Variants in KHDRBS2 observed in about 807,000 individuals in gnomAD.
The protein encoded by KHDRBS2 is KH RNA binding domain containing, signal transduction associated 2.
A neutral mutation model predicts 44.3 loss-of-function variants in KHDRBS2; 26 were observed. The observed-to-expected ratio is 0.59, with a 90% CI of 0.43 to 0.81. The LOEUF is 0.81. Ranked by LOEUF, KHDRBS2 falls within the 40% of genes least tolerant of loss-of-function variation. KHDRBS2 has a pLI of 0.00. For missense variants in KHDRBS2, 476 were observed against 433.1 expected (o/e 1.10, Z -0.88); for synonymous variants, 194 against 151.1 (o/e 1.28, Z -2.08).
intron 3 of KHDRBS2, among the ~76,000 whole-genome samples, chr6:62,041,740 G>T (rs1178050118): frequency 6.6e-6 from 1 of 152,010 alleles, no homozygotes; most frequent in Non-Finnish European, 1.5e-5. Context: ...AAAGGAATTT[G>T]TCTAGATGCG....
chr6:62,209,927 C>A (rs979228216), intron 1 of KHDRBS2, among the ~76,000 whole-genome samples: 1 of 152,164 alleles, frequency 6.6e-6, no homozygotes, highest in Non-Finnish European at 1.5e-5. Context: ...GCACTATTGG[C>A]TTCCCTACTT....
chr6:61,833,621 T>C (rs1410567192), intron 6 of KHDRBS2, among the ~76,000 whole-genome samples: 1 of 151,030 alleles, frequency 6.6e-6, no homozygotes, highest in Admixed American at 6.6e-5. Context: ...CATATAGTTC[T>C]CCATCATTCA....
chr6:61,640,744 C>G, the KHDRBS2 span, among the ~76,000 whole-genome samples: 5 of 152,212 alleles, frequency 3.3e-5, no homozygotes, highest in South Asian at 1.0e-3. Flanking sequence ...CATTCATCCT[C>G]AATGTCACAG....
At chr6:62,160,792 T>C (rs1253354590) in intron 2 of KHDRBS2, among the ~76,000 whole-genome samples, 1 of 152,134 alleles carries the variant, frequency 6.6e-6, no homozygotes, top group Non-Finnish European at 1.5e-5. Context: ...GAGTTCTTTG[T>C]TCCAATTTTT....
intron 6 of KHDRBS2, among the ~76,000 whole-genome samples, chr6:61,868,391 C>A (rs1252534718): frequency 1.3e-5 from 2 of 152,096 alleles, no homozygotes; most frequent in Admixed American, 1.3e-4. Context: ...CCTAGAGTAC[C>A]AGCGACGGTG....
chr6:61,639,671 T>C, the KHDRBS2 span, among the ~76,000 whole-genome samples: 4 of 152,070 alleles, frequency 2.6e-5, no homozygotes, highest in African/African-American at 4.8e-5. Context: ...GGTAAAGTCT[T>C]GGGGGTAGGG....
chr6:61,802,521 G>C (rs1786444209), intron 6 of KHDRBS2, among the ~76,000 whole-genome samples: 1 of 152,142 alleles, frequency 6.6e-6, no homozygotes, highest in Admixed American at 6.6e-5. Context: ...TACTTTTGAT[G>C]TTAGAACTAA....
chr6:62,149,763 A>ATTGT (rs891877022), intron 2 of KHDRBS2, among the ~76,000 whole-genome samples: 1 of 152,182 alleles, frequency 6.6e-6, no homozygotes, highest in Non-Finnish European at 1.5e-5. Flanking sequence ...AGAAGGAAAG[A>ATTGT]TTGTTTGAAA....
the KHDRBS2 span, among the ~76,000 whole-genome samples, chr6:61,567,596 G>A: frequency 2.8e-4 from 43 of 152,246 alleles, no homozygotes; most frequent in South Asian, 5.8e-3. Context: ...AGAGGTGTTC[G>A]TGCCACTGCA....
At chr6:61,984,579 T>G (rs9445750) in intron 3 of KHDRBS2, among the ~76,000 whole-genome samples, 34,260 of 151,866 alleles carry the variant, frequency 0.23, 4,227 homozygotes, top group African/African-American at 0.3. Context: ...CTGGACTTAG[T>G]CACTAGGACA....
chr6:61,871,964 A>G (rs1798729193), intron 6 of KHDRBS2, among the ~76,000 whole-genome samples: 1 of 151,158 alleles, frequency 6.6e-6, no homozygotes, highest in East Asian at 1.9e-4. Context: ...GGTAGGGGAG[A>G]GATAGCATTA....
At chr6:61,810,463 A>G (rs1363584500) in intron 6 of KHDRBS2, among the ~76,000 whole-genome samples, 2 of 152,138 alleles carry the variant, frequency 1.3e-5, no homozygotes, top group Non-Finnish European at 2.9e-5. Flanking sequence ...TCTCCAGAGC[A>G]GCATTTTCCA....
At chr6:61,693,972 C>T (rs887540665) in intron 8 of KHDRBS2, among the ~76,000 whole-genome samples, 3 of 152,050 alleles carry the variant, frequency 2.0e-5, no homozygotes, top group Non-Finnish European at 2.9e-5. Context: ...TAAATAATTC[C>T]GAAATAGAAA....
chr6:61,781,375 C>T (rs373890700), intron 6 of KHDRBS2, among the ~76,000 whole-genome samples: 2 of 152,054 alleles, frequency 1.3e-5, no homozygotes, highest in South Asian at 2.1e-4. Context: ...TTTAAGAAAT[C>T]TAATCTTAAA....
chr6:61,648,411 C>T, the KHDRBS2 span, among the ~76,000 whole-genome samples: 9 of 152,144 alleles, frequency 5.9e-5, no homozygotes, highest in Non-Finnish European at 1.0e-4. Flanking sequence ...CTAACCTTCC[C>T]CAGTCATTTG....
chr6:61,835,187 G>A (rs548404416), intron 6 of KHDRBS2, among the ~76,000 whole-genome samples: 1 of 152,098 alleles, frequency 6.6e-6, no homozygotes, highest in South Asian at 2.1e-4. Context: ...AAAATCCACC[G>A]CTGACATTTT....
chr6:62,240,471 A>AG (rs1258939791), intron 1 of KHDRBS2, among the ~76,000 whole-genome samples: 6 of 151,686 alleles, frequency 4.0e-5, no homozygotes, highest in Non-Finnish European at 8.8e-5. Context: ...CATTGCTTGC[A>AG]GGCTAGTTGA....
intron 2 of KHDRBS2, among the ~76,000 whole-genome samples, chr6:62,071,282 C>T (rs959310138): frequency 1.3e-5 from 2 of 151,918 alleles, no homozygotes; most frequent in Admixed American, 6.6e-5. Flanking sequence ...TTCTCCCATT[C>T]TGTAGGTTGC....
rs2049007 is a variant in KHDRBS2 at position 62,213,920 on chromosome 6, C to A, written c.92-36608G>T. Among the ~76,000 whole-genome samples, 3 of 142,484 alleles carry A rather than the reference C, an allele frequency of 2.1e-5. No individual in the cohort carries two copies. In the East Asian group the frequency reaches 6.3e-4, roughly 30 times the overall value. The allele number at this position is 142,484 out of a possible 152,430, so 93.5% of individuals were successfully genotyped here. A position where few individuals can be genotyped will look rare whatever the true frequency, so the allele number is the denominator to read the frequency against. ...AAAAAAAAAGAATGAAGTATCTTAG[C>A]CAACTTCTAATACATGTGTGTTTGT... On this transcript the variant is annotated intron_variant, in intron 1 of 8. Transcript: ENST00000281156.
Sources: allele counts gnomAD v4.1 joint callset (sites outside exome capture counted in the v4.1 genomes callset), GRCh38; gene constraint gnomAD v4.1.1; transcripts MANE v1.5; gene names NCBI Gene and HGNC (gene_info 2026-07-23, HGNC 2026-07-21).